The following PIBF1 variants were observed in gnomAD, a reference collection of about 807,000 sequenced individuals.
PIBF1 encodes the protein progesterone-induced-blocking factor 1.
A neutral mutation model predicts 112.5 loss-of-function variants in PIBF1; 90 were observed. The observed-to-expected ratio is 0.80, with a 90% CI of 0.67 to 0.95. PIBF1 has a LOEUF of 0.95. Ranked by LOEUF, PIBF1 falls within the 40% of genes least tolerant of loss-of-function variation. PIBF1 has a pLI of 0.00. For missense variants in PIBF1, 915 were observed against 852.3 expected, an observed-to-expected ratio of 1.07 and a Z score of -0.92; for synonymous variants, 301 against 288.6, an observed-to-expected ratio of 1.04 and a Z score of -0.44.
intron 9 of PIBF1, among the ~76,000 whole-genome samples, chr13:72,844,890 A>T (rs1414586444): frequency 1.3e-5 from 2 of 148,320 alleles, no homozygotes; most frequent in Non-Finnish European, 3.0e-5. Context: ...CCAAAGTGCT[A>T]GGATTACAGG....
At chr13:72,924,416 A>G (rs1406910131) in intron 13 of PIBF1, among the ~76,000 whole-genome samples, 1 of 152,084 alleles carries the variant, frequency 6.6e-6, no homozygotes, top group African/African-American at 2.4e-5. Flanking sequence ...TGCACTTACA[A>G]CAAGATCAGT....
At chr13:72,910,639 C>G (rs2040862709) in intron 12 of PIBF1, among the ~76,000 whole-genome samples, 1 of 152,040 alleles carries the variant, frequency 6.6e-6, no homozygotes, top group African/African-American at 2.4e-5. Context: ...ATTTGAATTC[C>G]TAACCTGTGA....
chr13:72,799,007 G>T (rs1381895464), intron 5 of PIBF1, among the ~76,000 whole-genome samples: 1 of 152,150 alleles, frequency 6.6e-6, no homozygotes, highest in Non-Finnish European at 1.5e-5. Flanking sequence ...CTAGGTGCTG[G>T]CAGTGAACCC....
At chr13:72,894,830 A>G (rs576599632) in intron 11 of PIBF1, among the ~76,000 whole-genome samples, 11 of 150,368 alleles carry the variant, frequency 7.3e-5, no homozygotes, top group Admixed American at 2.0e-4. Flanking sequence ...TTAGAAGTAA[A>G]TACAGATGAT....
chr13:72,804,818 C>T (rs1338226090), intron 5 of PIBF1, among the ~76,000 whole-genome samples: 1 of 152,012 alleles, frequency 6.6e-6, no homozygotes, highest in Non-Finnish European at 1.5e-5. Flanking sequence ...GAAAATATAT[C>T]CAGTAAAAGT....
intron 17 of PIBF1, among the ~76,000 whole-genome samples, chr13:73,012,647 C>T (rs1230357074): frequency 6.6e-6 from 1 of 151,400 alleles, no homozygotes; most frequent in Non-Finnish European, 1.5e-5. Flanking sequence ...CCCAGCAACT[C>T]GAAGAGCTGA....
intron 12 of PIBF1, among the ~76,000 whole-genome samples, chr13:72,912,789 A>G (rs569267942): frequency 5.3e-5 from 8 of 152,222 alleles, no homozygotes; most frequent in African/African-American, 7.2e-5. Flanking sequence ...GAAGGAAACA[A>G]TTGACTTACT....
At chr13:72,975,663 T>G (rs1226623901) in intron 16 of PIBF1, among the ~76,000 whole-genome samples, 4 of 152,138 alleles carry the variant, frequency 2.6e-5, no homozygotes, top group Non-Finnish European at 5.9e-5. Context: ...GGAAGGTAAG[T>G]CAATCTAACA....
intron 14 of PIBF1, among the ~76,000 whole-genome samples, chr13:72,957,900 C>T (rs542350998): frequency 3.3e-5 from 5 of 151,912 alleles, no homozygotes; most frequent in South Asian, 4.2e-4. Context: ...TGCAGTGAGC[C>T]GTGATTGCGC....
rs574043322 is a variant in PIBF1 at position 72,792,009 on chromosome 13, C to G, written c.253-438C>G. The stretch of plus-strand genomic sequence containing the variant: ...ATTTGGAGGTTGGCAAAACTGGAGG[C>G]AGGAGGCCAGGCGCGGTGGCTCATG... On this transcript the variant is annotated intron_variant, in intron 2 of 17. Coordinates refer to ENST00000326291, the MANE Select transcript of PIBF1 (RefSeq NM_006346.4). Among the ~76,000 whole-genome samples the G allele has an allele frequency of 2.0e-5, 3 of 151,810 alleles. No homozygotes were observed. The East Asian group carries it at 5.9e-4, about 30-fold the overall frequency.
At chr13:72,982,111 A>G (rs941535000) in intron 16 of PIBF1, among the ~76,000 whole-genome samples, 2 of 152,064 alleles carry the variant, frequency 1.3e-5, no homozygotes, top group Non-Finnish European at 2.9e-5. Flanking sequence ...CCCTTTCCTC[A>G]TTTCCTTCTG....
chr13:72,974,669 G>T (rs2042976701), intron 16 of PIBF1, among the ~76,000 whole-genome samples: 1 of 152,102 alleles, frequency 6.6e-6, no homozygotes. Context: ...CCATTATATG[G>T]ATGTAACCCA....
chr13:72,791,761 T>C (rs2034942722), intron 2 of PIBF1, among the ~76,000 whole-genome samples: 1 of 151,786 alleles, frequency 6.6e-6, no homozygotes, highest in Non-Finnish European at 1.5e-5. Flanking sequence ...GCCTCCTGAG[T>C]AGCTGTGACT....
At chr13:72,863,923 A>G (rs1430520177) in intron 10 of PIBF1, among the ~76,000 whole-genome samples, 2 of 152,224 alleles carry the variant, frequency 1.3e-5, no homozygotes, top group Non-Finnish European at 2.9e-5. Flanking sequence ...GCCAGAGGCA[A>G]TGATCACATT....
intron 14 of PIBF1, among the ~76,000 whole-genome samples, chr13:72,945,056 C>A (rs1466740118): frequency 6.6e-6 from 1 of 152,136 alleles, no homozygotes; most frequent in African/African-American, 2.4e-5. Context: ...TCCCTCTCCC[C>A]ATTGCTAGTT....
chr13:72,915,584 G>T (rs2041059107), intron 12 of PIBF1, among the ~76,000 whole-genome samples: 1 of 152,144 alleles, frequency 6.6e-6, no homozygotes, highest in Non-Finnish European at 1.5e-5. Flanking sequence ...CTATTAAGGA[G>T]AAACAAGAGT....
At chr13:72,904,429 A>ATTTTT (rs1240090172) in intron 11 of PIBF1, among the ~76,000 whole-genome samples, 8 of 51,088 alleles carry the variant, frequency 1.6e-4, no homozygotes, top group East Asian at 1.4e-3. Context: ...ATATCAAAAT[A>ATTTTT]TTTCTTTTTT....
At chr13:72,867,706 C>T (rs930147788) in intron 10 of PIBF1, among the ~76,000 whole-genome samples, 1 of 152,086 alleles carries the variant, frequency 6.6e-6, no homozygotes, top group African/African-American at 2.4e-5. Flanking sequence ...AAAGAAGATC[C>T]ATGTGTTTTA....
chr13:72,821,854 T>C lies in PIBF1; in HGVS notation c.678T>C (p.Tyr226=), dbSNP rs1234552288. The change falls in exon 6 of 18, where the codon TAT becomes TAC. Residue 226 remains tyrosine (Y), a synonymous_variant. Coordinates refer to ENST00000326291, the MANE Select transcript of PIBF1 (RefSeq NM_006346.4). ...ATTATTCCTTTGGTTTATAGACATA[T>C]GAGGAAGATCGAAAAAACTACTCTG... is the stretch of plus-strand genomic sequence containing the variant. The part of the protein sequence containing the change: ...KNQLKQLTET[Y]EEDRKNYSEV... The C allele has an allele frequency of 3.7e-6, 6 of 1,610,650 alleles. No individual in the cohort carries two copies. The highest frequency in any genetic ancestry group is 4.2e-6 in the Non-Finnish European group (5 of 1,178,052).
Sources: allele counts gnomAD v4.1 joint callset (sites outside exome capture counted in the v4.1 genomes callset), GRCh38; gene constraint gnomAD v4.1.1; transcripts MANE v1.5; gene names NCBI Gene and HGNC (gene_info 2026-07-23, HGNC 2026-07-21).